TBCD: variants seen among roughly 807,000 people sequenced by gnomAD.
TBCD encodes the protein tubulin-specific chaperone D.
Under a neutral mutation model 169.3 loss-of-function variants are expected in TBCD, and 105 were observed. The observed-to-expected ratio is 0.62, with a 90% CI of 0.53 to 0.73. The LOEUF (loss-of-function observed/expected upper bound fraction) is 0.73, where lower values mean the gene tolerates loss of function less well. Ranked by LOEUF, TBCD falls within the 30% of genes least tolerant of loss-of-function variation. TBCD has a pLI of 0.00. For missense variants in TBCD, 1,444 were observed against 1,600.1 expected, an observed-to-expected ratio of 0.90 and a Z score of 1.66; for synonymous variants, 700 against 643.9, an observed-to-expected ratio of 1.09 and a Z score of -1.32.
intron 12 of TBCD, among the ~76,000 whole-genome samples, chr17:82,812,972 C>G (rs935341581): frequency 1.6e-4 from 24 of 152,158 alleles, no homozygotes; most frequent in Admixed American, 5.2e-4. Flanking sequence ...GTGTGCAGCA[C>G]CACACCTGGC....
chr17:82,942,596 A>C lies in TBCD; in HGVS notation c.*133A>C. On this transcript the variant is annotated 3_prime_UTR_variant, in exon 39 of 39. Transcript: ENST00000355528. ...GTAGCGCTGGCCCTTGGAGGCTGGC[A>C]CTAGCTGACAGCTTTTCCTCTCTGC... 1 of 1,229,762 alleles carries C rather than the reference A, an allele frequency of 8.1e-7. No homozygotes were observed. Among genetic ancestry groups the C allele is most frequent in the Admixed American group, 2.1e-5 (1 of 48,562 alleles). The allele number at this position is 1,229,762 out of a possible 1,614,324, so 76.2% of individuals were successfully genotyped here. A position where few individuals can be genotyped will look rare whatever the true frequency, so the allele number is the denominator to read the frequency against.
chr17:82,829,060 C>T (rs932522483), intron 13 of TBCD, among the ~76,000 whole-genome samples: 2 of 150,316 alleles, frequency 1.3e-5, no homozygotes, highest in Non-Finnish European at 1.5e-5. Flanking sequence ...AATGCGCACA[C>T]ACCCACAGAT....
At chr17:82,862,408 C>A (rs1476072331) in intron 13 of TBCD, among the ~76,000 whole-genome samples, 61 of 151,094 alleles carry the variant, frequency 4.0e-4, no homozygotes, top group Non-Finnish European at 4.4e-5. Context: ...GGTGGAGGAA[C>A]CTTCACCCAG....
Position 82,831,110 on chromosome 17 carries a change from C to G in TBCD, c.1318+16176C>G. 1 of 1,614,198 alleles carries G rather than the reference C, an allele frequency of 6.2e-7. No homozygotes were observed. The highest frequency in any genetic ancestry group is 8.5e-7 in the Non-Finnish European group (1 of 1,180,040). On this transcript the variant is annotated intron_variant, in intron 13 of 38. Transcript: ENST00000355528. This position sits in a 1 kb window ranked among gnomAD's most constrained non-coding sequence, Gnocchi z 4.6. ...GGCCTGAAGGCTGTGAGGCTTTGCT[C>G]TGGCGGGTAGAGTCTTCCCAGTGCG...
Position 82,831,847 on chromosome 17 carries a change from G to A in TBCD, c.1318+16913G>A. ...TGAGCCGGCTTTCCAGGGGTAGCCA[G>A]GAGTGTGGAAGGCCGACTTGGTGTG... On this transcript the variant is annotated intron_variant, in intron 13 of 38. Coordinates refer to ENST00000355528, the MANE Select transcript of TBCD (RefSeq NM_005993.5). The surrounding 1 kb of genome is among the most constrained non-coding windows in gnomAD (Gnocchi z 4.6). 1 of 1,614,244 alleles carries A rather than the reference G, an allele frequency of 6.2e-7. No individual in the cohort carries two copies. Among genetic ancestry groups the A allele is most frequent in the Middle Eastern group, 1.6e-4 (1 of 6,062 alleles).
At position 82,789,271 on chromosome 17, in the gene TBCD, G is replaced by A. The variant is rs1462746390; in HGVS notation, c.771+7550G>A. On this transcript the variant is annotated intron_variant, in intron 7 of 38. Coordinates refer to ENST00000355528, the MANE Select transcript of TBCD (RefSeq NM_005993.5). The surrounding 1 kb of genome is among the most constrained non-coding windows in gnomAD (Gnocchi z 4.8). Reference sequence around the variant, plus strand: ...CATCACTCAGCATTTTATGTGGGGCGGGCACAGTGCCGTGAGTCTTACAGA... The same window carrying A: ...CATCACTCAGCATTTTATGTGGGGCAGGCACAGTGCCGTGAGTCTTACAGA... 2.6e-5 allele frequency among the ~76,000 whole-genome samples: 4 copies of A among 152,214 alleles called. No individual in the cohort carries two copies. Among genetic ancestry groups the A allele is most frequent in the South Asian group, 2.1e-4 (1 of 4,824 alleles).
chr17:82,891,983 C>T (rs879681751), intron 16 of TBCD, among the ~76,000 whole-genome samples: 7 of 152,158 alleles, frequency 4.6e-5, no homozygotes, highest in Non-Finnish European at 7.4e-5. Context: ...TCCAGGCCCC[C>T]GACACCATCA....
At chr17:82,815,436 C>T (rs1227231355) in intron 13 of TBCD, among the ~76,000 whole-genome samples, 2 of 152,206 alleles carry the variant, frequency 1.3e-5, no homozygotes, top group Non-Finnish European at 2.9e-5. Context: ...AGATGAGGCT[C>T]ACGCCAGCGT....
chr17:82,941,539 G>C (rs973844692), intron 38 of TBCD, 56 bp downstream of exon 38: 2 of 1,481,268 alleles, frequency 1.4e-6, no homozygotes, highest in Admixed American at 4.0e-5. Flanking sequence ...GCTCTGGAAT[G>C]TTCTGGGGCC....
At chr17:82,862,217 C>T (rs183431138) in intron 13 of TBCD, among the ~76,000 whole-genome samples, 9 of 152,232 alleles carry the variant, frequency 5.9e-5, no homozygotes, top group East Asian at 3.9e-4. Context: ...CCACTGCGCC[C>T]GGCCAAAACC....
At chr17:82,892,001 G>T (rs949453738) in intron 16 of TBCD, among the ~76,000 whole-genome samples, 3 of 152,130 alleles carry the variant, frequency 2.0e-5, no homozygotes, top group Non-Finnish European at 4.4e-5. Context: ...TCAGGCCCTT[G>T]TGGTGGCCTG....
At chr17:82,872,537 G>A (rs1244950361) in intron 14 of TBCD, among the ~76,000 whole-genome samples, 2 of 152,224 alleles carry the variant, frequency 1.3e-5, no homozygotes, top group Non-Finnish European at 2.9e-5. Flanking sequence ...GTCTGTGTGC[G>A]GGAGCTCTTG....
intron 13 of TBCD, among the ~76,000 whole-genome samples, chr17:82,843,849 C>T (rs1002702347): frequency 6.6e-6 from 1 of 152,106 alleles, no homozygotes; most frequent in Non-Finnish European, 1.5e-5. Flanking sequence ...ACAGCAGTGC[C>T]ACCCTTCCCC....
Position 82,923,594 on chromosome 17 carries a change from G to A in TBCD, c.2179-58G>A. On this transcript the variant is annotated intron_variant, in intron 25 of 38. Transcript: ENST00000355528. This position sits in a 1 kb window ranked among gnomAD's most constrained non-coding sequence, Gnocchi z 4.6. ...CTTCAGAGTGACCTGCTCTGTCCCT[G>A]GCCGGGGGCTTCTCCGAGCAGAGCT... 2 of 1,420,110 alleles carry A rather than the reference G, an allele frequency of 1.4e-6. No individual in the cohort carries two copies. Among genetic ancestry groups the A allele is most frequent in the Non-Finnish European group, 1.9e-6 (2 of 1,032,050 alleles). 88.0% of individuals were successfully genotyped at this position (1,420,110 alleles called of 1,614,324 possible).
intron 12 of TBCD, among the ~76,000 whole-genome samples, chr17:82,813,494 C>T (rs146930034): frequency 5.9e-5 from 9 of 152,278 alleles, no homozygotes; most frequent in Non-Finnish European, 1.3e-4. Flanking sequence ...TGGTGCTGGG[C>T]CTCTGAGGCG....
intron 28 of TBCD, among the ~76,000 whole-genome samples, chr17:82,926,709 C>A (rs1448676069): frequency 6.6e-6 from 1 of 152,210 alleles, no homozygotes; most frequent in Non-Finnish European, 1.5e-5. Flanking sequence ...GACACTGGGC[C>A]CCTTGGAGAA....
At chr17:82,838,929 T>C (rs1442189312) in intron 13 of TBCD, 1 of 985,260 alleles carries the variant, frequency 1.0e-6, no homozygotes, top group Non-Finnish European at 1.2e-6. Context: ...CAGTGAAAAT[T>C]AGGGGCACAG....
chr17:82,908,501 C>T (rs2060401363), intron 21 of TBCD: 14 of 383,162 alleles, frequency 3.7e-5, no homozygotes, highest in South Asian at 1.9e-4. Context: ...CGAGGGATTA[C>T]GTGGTTTACT....
chr17:82,775,570 C>G (rs2048544936), intron 6 of TBCD, among the ~76,000 whole-genome samples: 1 of 152,050 alleles, frequency 6.6e-6, no homozygotes, highest in Non-Finnish European at 1.5e-5. Flanking sequence ...ATGCTTCTCC[C>G]TGTATCACTG....
Sources: gnomAD v4.1 joint callset for allele counts (sites outside exome capture counted in the v4.1 genomes callset) on GRCh38, gnomAD v4.1.1 for gene constraint, Gnocchi (gnomAD v3.1) non-coding constraint, MANE v1.5 for transcripts, NCBI Gene and HGNC (gene_info 2026-07-23, HGNC 2026-07-21) for gene names.